PDGFD: variants seen among roughly 807,000 people sequenced by gnomAD.
PDGFD encodes platelet-derived growth factor D.
In PDGFD, 30 loss-of-function variants were observed where a neutral mutation model predicts 44.7. The ratio of observed to expected loss-of-function variants is 0.67; its 90% confidence interval spans 0.50 to 0.91. The LOEUF (loss-of-function observed/expected upper bound fraction) is 0.91, where lower values mean the gene tolerates loss of function less well. PDGFD is among the 40% of genes least tolerant of loss of function. The pLI is 0.00. For synonymous variants in PDGFD, 173 were observed against 168.4 expected (o/e 1.03, Z -0.21); for missense variants, 445 against 457.8 (o/e 0.97, Z 0.25).
chr11:104,160,282 T>C (rs1862370744), intron 1 of PDGFD, among the ~76,000 whole-genome samples: 1 of 152,224 alleles, frequency 6.6e-6, no homozygotes, highest in Non-Finnish European at 1.5e-5. Flanking sequence ...AATTTCAGAA[T>C]TGTTTACCAC....
At chr11:103,939,786 G>A (rs910923778) in intron 5 of PDGFD, among the ~76,000 whole-genome samples, 6 of 150,824 alleles carry the variant, frequency 4.0e-5, no homozygotes, top group African/African-American at 1.5e-4. Flanking sequence ...ATTAACTTCT[G>A]GGCAGCTTTG....
At chr11:103,975,986 T>C (rs1859178451) in intron 3 of PDGFD, among the ~76,000 whole-genome samples, 3 of 152,216 alleles carry the variant, frequency 2.0e-5, no homozygotes. Context: ...GGGCTCTTTT[T>C]TGGTTCCATA....
At chr11:104,004,125 C>T (rs1859663123) in intron 1 of PDGFD, among the ~76,000 whole-genome samples, 1 of 152,150 alleles carries the variant, frequency 6.6e-6, no homozygotes, top group Admixed American at 6.5e-5. Flanking sequence ...TTAAAGTCTA[C>T]ACTGTCTTAA....
At chr11:104,126,890 G>A (rs1861849038) in intron 1 of PDGFD, among the ~76,000 whole-genome samples, 1 of 115,148 alleles carries the variant, frequency 8.7e-6, no homozygotes, top group Non-Finnish European at 1.8e-5. Flanking sequence ...TACCCTCAGA[G>A]TAAAAAATTA....
intron 6 of PDGFD, among the ~76,000 whole-genome samples, chr11:103,912,575 C>G (rs970393898): frequency 6.6e-6 from 1 of 152,112 alleles, no homozygotes; most frequent in African/African-American, 2.4e-5. Context: ...CATCAACTAA[C>G]GGGCAAAATA....
intron 1 of PDGFD, among the ~76,000 whole-genome samples, chr11:104,088,603 C>T (rs1861167762): frequency 2.0e-5 from 3 of 152,112 alleles, no homozygotes; most frequent in African/African-American, 7.2e-5. Flanking sequence ...CTGGCTATTA[C>T]AACTTGGGAG....
intron 5 of PDGFD, among the ~76,000 whole-genome samples, chr11:103,934,537 A>G (rs1230873160): frequency 6.6e-6 from 1 of 152,232 alleles, no homozygotes; most frequent in Non-Finnish European, 1.5e-5. Context: ...TGGGTAGTTT[A>G]TAAAGAAAAG....
At chr11:104,038,240 C>T (rs2279789) in intron 1 of PDGFD, 226,105 of 512,012 alleles carry the variant, frequency 0.44, 51,786 homozygotes, top group Admixed American at 0.57. Context: ...TGGGAAGGCT[C>T]TGGAGGCTCC....
intron 3 of PDGFD, among the ~76,000 whole-genome samples, chr11:103,969,122 A>T (rs570600642): frequency 6.6e-5 from 10 of 152,254 alleles, no homozygotes; most frequent in African/African-American, 2.4e-4. Flanking sequence ...CTTTTTCATC[A>T]ACTTTCATGC....
chr11:103,951,781 A>G (rs889512978), intron 3 of PDGFD, among the ~76,000 whole-genome samples: 1 of 151,858 alleles, frequency 6.6e-6, no homozygotes, highest in Admixed American at 6.6e-5. Flanking sequence ...TATTTAAAAT[A>G]CTCCCACTCT....
intron 3 of PDGFD, among the ~76,000 whole-genome samples, chr11:103,961,630 C>T (rs1179688883): frequency 6.6e-6 from 1 of 150,938 alleles, no homozygotes; most frequent in African/African-American, 2.5e-5. Context: ...GAAGACCACA[C>T]TTGGGATTTT....
At chr11:104,126,532 G>T (rs992059932) in intron 1 of PDGFD, among the ~76,000 whole-genome samples, 1 of 152,156 alleles carries the variant, frequency 6.6e-6, no homozygotes, top group Non-Finnish European at 1.5e-5. Context: ...AATCTTTGTT[G>T]ATGACTTACT....
intron 1 of PDGFD, among the ~76,000 whole-genome samples, chr11:104,008,763 G>A (rs1028958045): frequency 6.6e-5 from 10 of 152,034 alleles, no homozygotes; most frequent in Admixed American, 3.3e-4. Flanking sequence ...CTGAGGCAAA[G>A]GACTATGTCT....
At chr11:104,025,371 T>G (rs559373697) in intron 1 of PDGFD, among the ~76,000 whole-genome samples, 12 of 152,202 alleles carry the variant, frequency 7.9e-5, no homozygotes, top group African/African-American at 2.9e-4. Context: ...CAAATCTACA[T>G]GAATTGTTTG....
intron 1 of PDGFD, among the ~76,000 whole-genome samples, chr11:104,010,671 T>C (rs529043659): frequency 9.9e-5 from 15 of 152,252 alleles, no homozygotes; most frequent in African/African-American, 3.4e-4. Context: ...AAAATAACCA[T>C]GGTAGATTTT....
intron 3 of PDGFD, among the ~76,000 whole-genome samples, chr11:103,968,130 A>G (rs952666592): frequency 3.3e-5 from 5 of 152,062 alleles, no homozygotes; most frequent in Non-Finnish European, 5.9e-5. Flanking sequence ...GGCTTCTGTA[A>G]TATTATGCTC....
chr11:104,047,554 T>C (rs1465024089), intron 1 of PDGFD, among the ~76,000 whole-genome samples: 1 of 147,604 alleles, frequency 6.8e-6, no homozygotes, highest in African/African-American at 2.5e-5. Flanking sequence ...TAAGCGTCTG[T>C]TCATATCCTT....
intron 1 of PDGFD, among the ~76,000 whole-genome samples, chr11:104,056,159 G>GTA (rs1860614074): frequency 6.6e-6 from 1 of 152,138 alleles, no homozygotes; most frequent in African/African-American, 2.4e-5. Flanking sequence ...TAATCCCTAT[G>GTA]TATGTCAGAT....
rs72988947 is a variant in PDGFD, at chr11:104,026,381, T to C, written c.125-26126A>G. ...AAGAAAATACTGGACATTTAATTTGTATATTTATCAACTAACCCATTTATA... is the reference window on the plus strand; with the variant it reads ...AAGAAAATACTGGACATTTAATTTGCATATTTATCAACTAACCCATTTATA... On this transcript the variant is annotated intron_variant, in intron 1 of 6. Coordinates refer to ENST00000393158, the MANE Select transcript of PDGFD (RefSeq NM_025208.5). Among the ~76,000 whole-genome samples, 1,201 of 152,354 alleles carry C rather than the reference T, an allele frequency of 7.9e-3. 8 individuals are homozygous for C. The highest frequency in any genetic ancestry group is 0.011 in the Non-Finnish European group (780 of 68,028).
Sources: gnomAD v4.1 joint callset for allele counts (sites outside exome capture counted in the v4.1 genomes callset) on GRCh38, gnomAD v4.1.1 for gene constraint, MANE v1.5 for transcripts, NCBI Gene and HGNC (gene_info 2026-07-23, HGNC 2026-07-21) for gene names.